The following ZDHHC15 variants were observed in gnomAD, a reference collection of about 807,000 sequenced individuals.
ZDHHC15 encodes the protein zDHHC palmitoyltransferase 15.
A neutral mutation model predicts 31.7 loss-of-function variants in ZDHHC15; 19 were observed. The ratio of observed to expected loss-of-function variants is 0.60; its 90% CI spans 0.42 to 0.88. The LOEUF (loss-of-function observed/expected upper bound fraction) is 0.88. ZDHHC15 is among the 40% of genes least tolerant of loss of function. ZDHHC15 has a pLI of 0.00. For missense variants in ZDHHC15, 209 were observed against 251.2 expected (o/e 0.83, Z 1.14); for synonymous variants, 103 against 90.0 (o/e 1.14, Z -0.82).
intron 3 of ZDHHC15, among the ~76,000 whole-genome samples, chrX:75,451,648 T>C (rs1291948375): frequency 2.7e-5 from 3 of 112,009 alleles, no homozygotes; most frequent in Non-Finnish European, 5.6e-5. Flanking sequence ...CTCATCTCTA[T>C]TACTTAATAG....
chrX:75,497,347 A>G (rs1479103904), intron 2 of ZDHHC15, among the ~76,000 whole-genome samples: 1 of 111,740 alleles, frequency 8.9e-6, no homozygotes, highest in Non-Finnish European at 1.9e-5. Flanking sequence ...TAACAAAAAA[A>G]TGCTAACAAA....
rs948122163 is a variant in ZDHHC15, at chrX:75,467,114, A to C, written c.258+11777T>G. On this transcript the variant is annotated intron_variant, in intron 3 of 11. Coordinates refer to ENST00000373367, the MANE Select transcript of ZDHHC15 (RefSeq NM_144969.3). Reference sequence around the variant, plus strand: ...ATATTATAAAACAGTAGCTAAATGAACTAAATACTGCAAAGTAATATGAAA... The same window carrying C: ...ATATTATAAAACAGTAGCTAAATGACCTAAATACTGCAAAGTAATATGAAA... Among the ~76,000 whole-genome samples, 3 of 112,774 alleles carry C rather than the reference A, an allele frequency of 2.7e-5. No individual in the cohort carries two copies. The East Asian group carries it at 8.3e-4, about 31-fold the overall frequency.
chrX:75,379,479 A>T (rs980029760), intron 10 of ZDHHC15, among the ~76,000 whole-genome samples: 14 of 112,290 alleles, frequency 1.2e-4, no homozygotes, highest in African/African-American at 4.5e-4. Flanking sequence ...GCTCAACATA[A>T]TCTGACTTTA....
At chrX:75,465,407 A>C (rs2084387245) in intron 3 of ZDHHC15, among the ~76,000 whole-genome samples, 1 of 112,013 alleles carries the variant, frequency 8.9e-6, no homozygotes, top group African/African-American at 3.2e-5. Context: ...ATTGAATGCT[A>C]TTCCCATTAA....
intron 2 of ZDHHC15, chrX:75,502,011 C>T (rs1250791198): frequency 8.9e-6 from 1 of 111,854 alleles, no homozygotes; most frequent in South Asian, 3.7e-4. Flanking sequence ...GATATTTCTA[C>T]ACTTTGGATT....
chrX:75,409,511 A>C (rs1360528341), intron 10 of ZDHHC15, among the ~76,000 whole-genome samples: 8 of 79,710 alleles, frequency 1.0e-4, no homozygotes, highest in Non-Finnish European at 2.1e-4. Context: ...AAAAAAAAAA[A>C]AACACTACAA....
At chrX:75,406,640 C>G (rs1488428592) in intron 10 of ZDHHC15, among the ~76,000 whole-genome samples, 1 of 104,819 alleles carries the variant, frequency 9.5e-6, no homozygotes, top group Non-Finnish European at 2.0e-5. Flanking sequence ...AAGGTTGAAC[C>G]ATGAAGAAAC....
intron 2 of ZDHHC15, among the ~76,000 whole-genome samples, chrX:75,488,152 G>A (rs1331677190): frequency 3.6e-5 from 4 of 111,571 alleles, no homozygotes; most frequent in East Asian, 2.8e-4. Context: ...CTAGACATCC[G>A]AATACAAGAA....
intron 10 of ZDHHC15, among the ~76,000 whole-genome samples, chrX:75,382,069 G>A (rs1296591704): frequency 2.7e-5 from 3 of 111,913 alleles, no homozygotes; most frequent in Non-Finnish European, 5.6e-5. Flanking sequence ...GCAGAGCTAA[G>A]CCTATATTAG....
intron 2 of ZDHHC15, among the ~76,000 whole-genome samples, chrX:75,484,956 C>A (rs1299297019): frequency 9.0e-6 from 1 of 111,614 alleles, no homozygotes. Flanking sequence ...TGAAGAAAGC[C>A]TAATACAAAA....
chrX:75,477,581 T>C (rs1327761267), intron 3 of ZDHHC15, among the ~76,000 whole-genome samples: 1 of 112,172 alleles, frequency 8.9e-6, no homozygotes, highest in Non-Finnish European at 1.9e-5. Context: ...ATATTCTTGA[T>C]AAATTGACTC....
At chrX:75,466,695 A>G (rs2084412268) in intron 3 of ZDHHC15, among the ~76,000 whole-genome samples, 1 of 111,580 alleles carries the variant, frequency 9.0e-6, no homozygotes, top group African/African-American at 3.3e-5. Context: ...CATATACACC[A>G]TGGAATATTA....
At chrX:75,401,255 CAAAA>C (rs59465325) in intron 10 of ZDHHC15, among the ~76,000 whole-genome samples, 2 of 82,786 alleles carry the variant, frequency 2.4e-5, no homozygotes, top group African/African-American at 4.3e-5. Context: ...GTGCTGTTTC[CAAAA>C]AAAAAAAAAG....
intron 10 of ZDHHC15, among the ~76,000 whole-genome samples, chrX:75,401,445 G>A (rs956404727): frequency 4.5e-5 from 5 of 111,284 alleles, no homozygotes; most frequent in Non-Finnish European, 9.4e-5. Flanking sequence ...GGCACAGAGT[G>A]GCAAGCTGAG....
chrX:75,414,595 A>ATT (rs58117165), intron 10 of ZDHHC15, among the ~76,000 whole-genome samples: 7,124 of 77,564 alleles, frequency 0.092, 344 homozygotes, highest in South Asian at 0.13. Context: ...ACGTCTGGCT[A>ATT]TTTTTTTTTT....
intron 3 of ZDHHC15, among the ~76,000 whole-genome samples, chrX:75,475,549 G>A (rs2084591120): frequency 8.9e-6 from 1 of 111,752 alleles, no homozygotes; most frequent in Non-Finnish European, 1.9e-5. Flanking sequence ...GTTTGTTGTT[G>A]GGCTCTTTAT....
chrX:75,491,913 A>T (rs2084902678), intron 2 of ZDHHC15, among the ~76,000 whole-genome samples: 1 of 111,657 alleles, frequency 9.0e-6, no homozygotes, highest in Admixed American at 9.6e-5. Context: ...CTAACATCAT[A>T]ATGACAGGAT....
chrX:75,419,130 A>G (rs2083587897), intron 9 of ZDHHC15, among the ~76,000 whole-genome samples: 1 of 111,766 alleles, frequency 8.9e-6, no homozygotes, highest in South Asian at 3.8e-4. Flanking sequence ...AAACAACCCC[A>G]TCAAAAGAAA....
intron 9 of ZDHHC15, among the ~76,000 whole-genome samples, chrX:75,419,490 T>C (rs998332042): frequency 9.0e-5 from 10 of 110,796 alleles, no homozygotes; most frequent in Admixed American, 2.9e-4. Context: ...AACACTTTTA[T>C]ACTGTTGGTG....
Sources: allele counts gnomAD v4.1 joint callset (sites outside exome capture counted in the v4.1 genomes callset), GRCh38; gene constraint gnomAD v4.1.1; transcripts MANE v1.5; gene names NCBI Gene and HGNC (gene_info 2026-07-23, HGNC 2026-07-21).